The following CNTN4 variants were observed in gnomAD, a reference collection of about 807,000 sequenced individuals.
CNTN4 encodes the protein contactin 4.
CNTN4 carries 77 observed loss-of-function variants against 122.5 expected under a neutral mutation model. The observed-to-expected ratio is 0.63, with a 90% confidence interval of 0.52 to 0.76. The LOEUF is 0.76. Among genes scored for constraint, CNTN4 ranks in the 30% least tolerant of loss-of-function variants. CNTN4 has a pLI of 0.00. For synonymous variants in CNTN4, 512 were observed against 447.0 expected, an observed-to-expected ratio of 1.15 and a Z score of -1.83; for missense variants, 1,256 against 1,259.1, an observed-to-expected ratio of 1.00 and a Z score of 0.04.
chr3:2,495,800 T>G (rs2151704132), intron 3 of CNTN4, among the ~76,000 whole-genome samples: 1 of 152,252 alleles, frequency 6.6e-6, no homozygotes, highest in South Asian at 2.1e-4. Context: ...ATGAAACCAG[T>G]CCCTGCTGCC....
chr3:2,927,360 G>A, intron 13 of CNTN4: 1 of 454,958 alleles, frequency 2.2e-6, no homozygotes, highest in South Asian at 1.6e-5. Flanking sequence ...GGACCAAGAT[G>A]CTCTGGACGT....
At chr3:2,616,020 CTT>C (rs35080057) in intron 4 of CNTN4, among the ~76,000 whole-genome samples, 12 of 142,970 alleles carry the variant, frequency 8.4e-5, no homozygotes, top group Admixed American at 1.4e-4. Flanking sequence ...CTCAGGCTGC[CTT>C]TTTTTTTTTT....
intron 13 of CNTN4, among the ~76,000 whole-genome samples, chr3:2,979,096 C>T (rs746827173): frequency 6.6e-6 from 1 of 152,132 alleles, no homozygotes; most frequent in African/African-American, 2.4e-5. Flanking sequence ...ACGAGGTGTT[C>T]GAGCTTGTGA....
At position 2,326,829 on chromosome 3, in the gene CNTN4, T is replaced by C. The variant is rs1483242168; in HGVS notation, c.-144-12349T>C. On this transcript the variant is annotated intron_variant, in intron 2 of 24. Transcript: ENST00000418658. ...AAATCAAAGCTAAGAAAGAATACTTTGCCCAGGGTCCTACAGAAGTAAATA... is the reference window on the plus strand; with the variant it reads ...AAATCAAAGCTAAGAAAGAATACTTCGCCCAGGGTCCTACAGAAGTAAATA... 2.0e-5 allele frequency among the ~76,000 whole-genome samples: 3 copies of C among 152,318 alleles called. No individual in the cohort carries two copies. The East Asian group carries it at 5.8e-4, about 29-fold the overall frequency.
intron 6 of CNTN4, among the ~76,000 whole-genome samples, chr3:2,771,248 C>G (rs1164102946): frequency 6.6e-6 from 1 of 150,600 alleles, no homozygotes; most frequent in Non-Finnish European, 1.5e-5. Flanking sequence ...GAAGAATTAA[C>G]TTAAGTTTAG....
At chr3:2,399,216 C>T (rs1342628215) in intron 3 of CNTN4, among the ~76,000 whole-genome samples, 1 of 152,056 alleles carries the variant, frequency 6.6e-6, no homozygotes, top group Non-Finnish European at 1.5e-5. Context: ...TTTGCCCTTA[C>T]TCTGGGTTAG....
At chr3:2,375,739 G>A (rs1381596811) in intron 3 of CNTN4, among the ~76,000 whole-genome samples, 1 of 152,056 alleles carries the variant, frequency 6.6e-6, no homozygotes, top group African/African-American at 2.4e-5. Flanking sequence ...ATCATGAAGT[G>A]TTACCGGGTT....
chr3:2,186,755 T>G (rs539369590), intron 2 of CNTN4, among the ~76,000 whole-genome samples: 1 of 152,352 alleles, frequency 6.6e-6, no homozygotes, highest in South Asian at 2.1e-4. Context: ...GTTCATATCC[T>G]TTGCCCACTT....
chr3:2,446,838 G>T (rs1424636225), intron 3 of CNTN4, among the ~76,000 whole-genome samples: 2 of 152,156 alleles, frequency 1.3e-5, no homozygotes, highest in African/African-American at 4.8e-5. Flanking sequence ...CCTCTCTGCA[G>T]TATTGGAGAA....
chr3:2,444,447 G>T (rs1196410864), intron 3 of CNTN4, among the ~76,000 whole-genome samples: 3 of 152,048 alleles, frequency 2.0e-5, no homozygotes, highest in African/African-American at 7.2e-5. Context: ...CAGGCAGAAG[G>T]GGCAGCCTTC....
intron 4 of CNTN4, among the ~76,000 whole-genome samples, chr3:2,642,103 T>C (rs551108865): frequency 6.6e-6 from 1 of 152,324 alleles, no homozygotes; most frequent in South Asian, 2.1e-4. Context: ...GTCTGCAAGC[T>C]GCGGAGCAAG....
chr3:2,393,724 A>T (rs1255462784), intron 3 of CNTN4, among the ~76,000 whole-genome samples: 1 of 152,144 alleles, frequency 6.6e-6, no homozygotes. Flanking sequence ...AAGCTATGAG[A>T]AGATAAGTTA....
At chr3:2,948,118 CTTAA>C (rs2094698519) in intron 13 of CNTN4, among the ~76,000 whole-genome samples, 1 of 152,040 alleles carries the variant, frequency 6.6e-6, no homozygotes, top group Non-Finnish European at 1.5e-5. Context: ...CATCTGTTAC[CTTAA>C]TTAAACAAGT....
intron 4 of CNTN4, among the ~76,000 whole-genome samples, chr3:2,603,462 C>G (rs1279513139): frequency 6.6e-6 from 1 of 151,986 alleles, no homozygotes; most frequent in Non-Finnish European, 1.5e-5. Context: ...GAAACAAAAT[C>G]CTACAGAAAA....
chr3:2,725,302 A>G (rs1007069612), intron 4 of CNTN4, among the ~76,000 whole-genome samples: 3 of 152,172 alleles, frequency 2.0e-5, no homozygotes, highest in Non-Finnish European at 4.4e-5. Context: ...CCCAGGGTGC[A>G]ACATTCTAAT....
intron 3 of CNTN4, among the ~76,000 whole-genome samples, chr3:2,536,928 A>G (rs2077832317): frequency 6.6e-6 from 1 of 151,962 alleles, no homozygotes; most frequent in Admixed American, 6.6e-5. Context: ...CTTTGAGAAT[A>G]TTGCTTAAAA....
chr3:2,611,043 A>T (rs1426079565), intron 4 of CNTN4, among the ~76,000 whole-genome samples: 1 of 152,084 alleles, frequency 6.6e-6, no homozygotes, highest in Non-Finnish European at 1.5e-5. Context: ...CATGCTTTAT[A>T]TGTATTATCT....
intron 2 of CNTN4, among the ~76,000 whole-genome samples, chr3:2,330,400 CT>C (rs2043669963): frequency 6.6e-6 from 1 of 152,108 alleles, no homozygotes; most frequent in African/African-American, 2.4e-5. Context: ...TTGAGTCAAC[CT>C]TCAGCCCCTC....
At position 2,791,263 on chromosome 3, in the gene CNTN4, G is replaced by A. The variant is rs149153253; in HGVS notation, c.359-28223G>A. Among the ~76,000 whole-genome samples the A allele has an allele frequency of 6.2e-3, 946 of 152,248 alleles. 5 individuals are homozygous for A. Among genetic ancestry groups the A allele is most frequent in the African/African-American group, 0.021 (883 of 41,520 alleles). On this transcript the variant is annotated intron_variant, in intron 6 of 24. Coordinates refer to ENST00000418658, the MANE Select transcript of CNTN4 (RefSeq NM_175607.3). ...GATGAGGAAACTGACTGGGCATGGC[G>A]GCTCGCACCTGTAATCCCAGGACAG...
Sources: allele counts gnomAD v4.1 joint callset (sites outside exome capture counted in the v4.1 genomes callset), GRCh38; gene constraint gnomAD v4.1.1; transcripts MANE v1.5; gene names NCBI Gene and HGNC (gene_info 2026-07-23, HGNC 2026-07-21).